The following FLI1 variants were observed in gnomAD, a reference collection of about 807,000 sequenced individuals.
FLI1 encodes Friend leukemia integration 1 transcription factor.
FLI1 carries 13 observed loss-of-function variants against 53.1 expected under a neutral mutation model. The ratio of observed to expected loss-of-function variants is 0.24; its 90% confidence interval spans 0.16 to 0.39. FLI1 has a LOEUF of 0.39. FLI1 is among the 10% of genes least tolerant of loss of function. The pLI, the probability that FLI1 is intolerant of heterozygous loss-of-function variation, is 1.00. For missense variants in FLI1, 424 were observed against 600.5 expected (o/e 0.71, Z 3.07); for synonymous variants, 244 against 236.7 (o/e 1.03, Z -0.28).
chr11:128,756,320 C>T (rs1565483828), intron 1 of FLI1, among the ~76,000 whole-genome samples: 2 of 152,212 alleles, frequency 1.3e-5, no homozygotes, highest in African/African-American at 4.8e-5. Flanking sequence ...TGTGTCCTCA[C>T]ATGGCAGCCC....
In FLI1 at chr11:128,694,287, G is replaced by T. The variant is rs758449121; in HGVS notation, c.18+11G>T. ...GACGGGACTATTAAGGTAAGCGGCG[G>T]GGCAACGGACGCGGGCGGCGGGGAC... On this transcript the variant is annotated intron_variant, in intron 1 of 8. Transcript: ENST00000527786. 7.3e-7 allele frequency: 1 copy of T among 1,372,186 alleles called. No homozygotes were observed. The highest frequency in any genetic ancestry group is 1.9e-5 in the South Asian group (1 of 52,002). 85.0% of individuals were successfully genotyped at this position (1,372,186 alleles called of 1,614,324 possible). A position where few individuals can be genotyped will look rare whatever the true frequency, so the allele number is the denominator to read the frequency against.
At chr11:128,705,871 C>T (rs1938526878) in intron 1 of FLI1, among the ~76,000 whole-genome samples, 1 of 152,168 alleles carries the variant, frequency 6.6e-6, no homozygotes, top group Non-Finnish European at 1.5e-5. Flanking sequence ...ATTTTTCATT[C>T]TCAATGCGTA....
At chr11:128,782,093 G>T in intron 5 of FLI1, 70 bp downstream of exon 5, 1 of 1,313,522 alleles carries the variant, frequency 7.6e-7, no homozygotes, top group Non-Finnish European at 1.1e-6. Context: ...ATGCTGTTAA[G>T]GTTGTTGCAG....
At position 128,760,983 on chromosome 11, in the gene FLI1, C is replaced by G. The variant is rs181405492; in HGVS notation, c.230+2657C>G. On this transcript the variant is annotated intron_variant, in intron 2 of 8. Transcript: ENST00000527786. ...GCCTTCCTGAAGTCTATTCTCCGGA[C>G]AGCAAGCAGCCAGAGCCATGCTTTC... Among the ~76,000 whole-genome samples the G allele has an allele frequency of 2.9e-4, 44 of 152,318 alleles. No homozygotes were observed. In the South Asian group the frequency reaches 7.9e-3, roughly 27 times the overall value.
intron 5 of FLI1, among the ~76,000 whole-genome samples, chr11:128,786,114 T>C (rs762089974): frequency 4.6e-5 from 7 of 152,176 alleles, no homozygotes; most frequent in Non-Finnish European, 7.4e-5. Context: ...CTCCTGGGCA[T>C]TGGAAATGTT....
chr11:128,805,587 T>C, intron 6 of FLI1, 156 bp downstream of exon 6: 1 of 576,710 alleles, frequency 1.7e-6, no homozygotes, highest in Non-Finnish European at 3.1e-6. Flanking sequence ...CTTTCCATGA[T>C]ACCAGTCCTT....
chr11:128,693,527 A>AC (rs1937850001), upstream of FLI1: 1 of 169,548 alleles, frequency 5.9e-6, no homozygotes, highest in Non-Finnish European at 1.2e-5. Flanking sequence ...CCCCTACCCC[A>AC]CCCCCAAAAA....
At chr11:128,721,348 G>A (rs993624184) in intron 1 of FLI1, among the ~76,000 whole-genome samples, 4 of 152,220 alleles carry the variant, frequency 2.6e-5, no homozygotes, top group Non-Finnish European at 4.4e-5. Context: ...GAAGACAGAC[G>A]AGGTCCCTGC....
intron 2 of FLI1, among the ~76,000 whole-genome samples, chr11:128,766,986 C>G (rs1384235550): frequency 6.6e-6 from 1 of 151,784 alleles, no homozygotes; most frequent in Non-Finnish European, 1.5e-5. Context: ...TTTGGTCCTG[C>G]TGCTGCTGGA....
chr11:128,778,153 TATAC>T (rs1417386178), intron 4 of FLI1, among the ~76,000 whole-genome samples: 1 of 152,224 alleles, frequency 6.6e-6, no homozygotes, highest in Non-Finnish European at 1.5e-5. Context: ...TATACAAATA[TATAC>T]ATACAAACAC....
chr11:128,709,884 T>A (rs1565460041), intron 1 of FLI1, among the ~76,000 whole-genome samples: 1 of 152,164 alleles, frequency 6.6e-6, no homozygotes, highest in Non-Finnish European at 1.5e-5. Flanking sequence ...AGAACTGAGC[T>A]CCCTGATTAA....
intron 4 of FLI1, among the ~76,000 whole-genome samples, chr11:128,780,348 G>A (rs756691795): frequency 5.3e-5 from 8 of 152,190 alleles, no homozygotes; most frequent in African/African-American, 1.9e-4. Flanking sequence ...TGCCGGGTGC[G>A]GTGGTAATCC....
chr11:128,749,261 G>A (rs933256761), intron 1 of FLI1, among the ~76,000 whole-genome samples: 1 of 152,232 alleles, frequency 6.6e-6, no homozygotes, highest in African/African-American at 2.4e-5. Context: ...GCTCGGAGAC[G>A]TTCCGGTTAC....
intron 1 of FLI1, among the ~76,000 whole-genome samples, chr11:128,700,233 G>A (rs771756349): frequency 7.1e-4 from 108 of 152,200 alleles, no homozygotes; most frequent in Non-Finnish European, 2.6e-4. Flanking sequence ...AGCCCTATGG[G>A]AGATAATACC....
At chr11:128,744,237 T>A (rs969626536) in intron 1 of FLI1, among the ~76,000 whole-genome samples, 2 of 152,224 alleles carry the variant, frequency 1.3e-5, no homozygotes, top group African/African-American at 4.8e-5. Flanking sequence ...AAGCATTTCC[T>A]GGAACAACAG....
At chr11:128,741,707 G>A (rs948573193) in intron 1 of FLI1, among the ~76,000 whole-genome samples, 2 of 152,244 alleles carry the variant, frequency 1.3e-5, no homozygotes, top group Non-Finnish European at 2.9e-5. Flanking sequence ...AGCCAATGAA[G>A]TGTTAATGCC....
chr11:128,746,312 A>G (rs983725079), intron 1 of FLI1, among the ~76,000 whole-genome samples: 20 of 152,208 alleles, frequency 1.3e-4, no homozygotes, highest in African/African-American at 4.6e-4. Context: ...GAGAAAAAGA[A>G]TAGGAAAGTT....
In FLI1 at chr11:128,777,261, G is replaced by GC. The variant is rs1941762049; in HGVS notation, c.589+4276_589+4277insC. Among the ~76,000 whole-genome samples, 6 of 152,322 alleles carry GC rather than the reference G, an allele frequency of 3.9e-5. 1 individual carries two copies. The South Asian group carries it at 1.0e-3, about 26-fold the overall frequency. On this transcript the variant is annotated intron_variant, in intron 4 of 8. Coordinates refer to ENST00000527786, the MANE Select transcript of FLI1 (RefSeq NM_002017.5). ...TGGGAGCCCCGAGGCCCCGGGGGAG[G>GC]TGGGGAGGCAGAAAGAAAAAGAGCC...
chr11:128,768,319 TCTG>T (rs761461716), intron 3 of FLI1, 47 bp downstream of exon 3: 9 of 1,486,400 alleles, frequency 6.1e-6, no homozygotes, highest in Admixed American at 2.0e-5. Context: ...TTCCCCACTC[TCTG>T]GGGGGGCAGG....
Sources: gnomAD v4.1 joint callset for allele counts (sites outside exome capture counted in the v4.1 genomes callset) on GRCh38, gnomAD v4.1.1 for gene constraint, MANE v1.5 for transcripts, NCBI Gene and HGNC (gene_info 2026-07-23, HGNC 2026-07-21) for gene names.